The following BICC1 variants were observed in gnomAD, a reference collection of about 807,000 sequenced individuals.
The protein encoded by BICC1 is protein bicaudal C homolog 1.
In BICC1, 43 loss-of-function variants were observed where a neutral mutation model predicts 111.0. The ratio of observed to expected loss-of-function variants is 0.39; its 90% CI spans 0.30 to 0.50. The LOEUF is 0.50. Ranked by LOEUF, BICC1 falls within the 20% of genes least tolerant of loss-of-function variation. The probability of loss-of-function intolerance (pLI) is 0.88; values close to 1 mark genes in which losing one functional copy is unlikely to be tolerated. For synonymous variants in BICC1, 467 were observed against 434.4 expected (o/e 1.07, Z -0.93); for missense variants, 1,091 against 1,203.2 (o/e 0.91, Z 1.38).
chr10:58,736,558 G>A (rs948917257), intron 3 of BICC1, among the ~76,000 whole-genome samples: 6 of 152,118 alleles, frequency 3.9e-5, no homozygotes, highest in Admixed American at 1.3e-4. Flanking sequence ...ACTTGTGACC[G>A]ACTCATTTCA....
At chr10:58,602,891 A>G (rs1031417765) in intron 1 of BICC1, among the ~76,000 whole-genome samples, 1 of 152,038 alleles carries the variant, frequency 6.6e-6, no homozygotes, top group Non-Finnish European at 1.5e-5. Flanking sequence ...GTCCACACTT[A>G]CTCCGTAAAC....
intron 20 of BICC1, among the ~76,000 whole-genome samples, chr10:58,824,908 G>A (rs929270687): frequency 6.6e-6 from 1 of 152,040 alleles, no homozygotes; most frequent in African/African-American, 2.4e-5. Context: ...TTTTGAGGTG[G>A]GGGCGGAGGT....
At chr10:58,617,609 G>C (rs149477329) in intron 1 of BICC1, among the ~76,000 whole-genome samples, 1 of 152,244 alleles carries the variant, frequency 6.6e-6, no homozygotes, top group South Asian at 2.1e-4. Context: ...GATACCAAGT[G>C]TGGACAAAGT....
rs1838252746 is a variant in BICC1, at chr10:58,645,813, A to G, written c.237+24912A>G. On this transcript the variant is annotated intron_variant, in intron 2 of 20. Coordinates refer to ENST00000373886, the MANE Select transcript of BICC1 (RefSeq NM_001080512.3). The stretch of plus-strand genomic sequence containing the variant: ...CCTTGAAGTTGAATAGAAACTATAT[A>G]AAGAAAACAACTCCATCTTGCCAGA... 3.3e-5 allele frequency among the ~76,000 whole-genome samples: 5 copies of G among 152,350 alleles called. No homozygotes were observed. The South Asian group carries it at 1.0e-3, about 32-fold the overall frequency.
At chr10:58,759,981 AAAAG>A (rs1224502398) in intron 3 of BICC1, among the ~76,000 whole-genome samples, 4 of 152,100 alleles carry the variant, frequency 2.6e-5, no homozygotes, top group East Asian at 1.9e-4. Flanking sequence ...AAAAAAAAAA[AAAAG>A]AAGACAGCAA....
chr10:58,683,066 G>T (rs1839589899), intron 2 of BICC1, among the ~76,000 whole-genome samples: 1 of 152,136 alleles, frequency 6.6e-6, no homozygotes, highest in African/African-American at 2.4e-5. Flanking sequence ...TGTGTAAGGT[G>T]TAAGGAAGGG....
rs1353773800 is a variant in BICC1, at chr10:58,512,923, C to T, written c.-221C>T. 5.4e-5 allele frequency among the ~76,000 whole-genome samples: 8 copies of T among 146,966 alleles called. No individual in the cohort carries two copies. The highest frequency in any genetic ancestry group is 2.7e-4 in the Admixed American group (4 of 14,794). On this transcript the variant is annotated 5_prime_UTR_variant, in exon 1 of 21. Coordinates refer to ENST00000373886, the MANE Select transcript of BICC1 (RefSeq NM_001080512.3). ...GGCGGCGCAGCCACTGGACCCGGAC[C>T]GGGGCCGCGACCCGGGGTGGCGGGT...
intron 9 of BICC1, among the ~76,000 whole-genome samples, chr10:58,795,145 TAACA>T (rs1843312701): frequency 1.3e-5 from 2 of 152,182 alleles, no homozygotes; most frequent in African/African-American, 4.8e-5. Flanking sequence ...AATAAGAAAA[TAACA>T]CCATTTTTAA....
intron 1 of BICC1, among the ~76,000 whole-genome samples, chr10:58,534,770 A>G (rs1842783782): frequency 6.6e-6 from 1 of 151,678 alleles, no homozygotes; most frequent in East Asian, 1.9e-4. Context: ...ACCAGATAAA[A>G]ATTCAAAAGG....
At chr10:58,809,457 C>A (rs1222991554) in intron 17 of BICC1, among the ~76,000 whole-genome samples, 1 of 152,006 alleles carries the variant, frequency 6.6e-6, no homozygotes, top group African/African-American at 2.4e-5. Context: ...CAAGGCTGGT[C>A]TCAAACTGCT....
At chr10:58,597,105 AT>A (rs1395814519) in intron 1 of BICC1, among the ~76,000 whole-genome samples, 1 of 152,156 alleles carries the variant, frequency 6.6e-6, no homozygotes, top group East Asian at 1.9e-4. Flanking sequence ...AGTTCTTTCT[AT>A]TTTCTATAAG....
intron 1 of BICC1, among the ~76,000 whole-genome samples, chr10:58,566,322 A>G (rs1467423639): frequency 6.6e-6 from 1 of 151,990 alleles, no homozygotes; most frequent in African/African-American, 2.4e-5. Flanking sequence ...GTGTATATAT[A>G]TATTCAATTA....
intron 3 of BICC1, among the ~76,000 whole-genome samples, chr10:58,781,825 A>G (rs931568151): frequency 2.0e-5 from 3 of 152,236 alleles, no homozygotes; most frequent in Admixed American, 6.5e-5. Context: ...CACATCTTGT[A>G]TGCATCTTTT....
intron 2 of BICC1, among the ~76,000 whole-genome samples, chr10:58,674,989 GA>G (rs1401785837): frequency 6.6e-6 from 1 of 152,158 alleles, no homozygotes; most frequent in Non-Finnish European, 1.5e-5. Context: ...ACTTGTATGA[GA>G]AAAGGCTGGA....
At chr10:58,644,177 T>C (rs1838200595) in intron 2 of BICC1, among the ~76,000 whole-genome samples, 1 of 152,180 alleles carries the variant, frequency 6.6e-6, no homozygotes, top group African/African-American at 2.4e-5. Context: ...TTACAACACA[T>C]AGCTACTCTT....
chr10:58,785,402 C>T (rs1333253641), intron 4 of BICC1, among the ~76,000 whole-genome samples: 1 of 151,608 alleles, frequency 6.6e-6, no homozygotes, highest in East Asian at 1.9e-4. Context: ...AGAAATTGGC[C>T]CTGATTAATA....
chr10:58,602,507 C>T (rs538934999), intron 1 of BICC1, among the ~76,000 whole-genome samples: 13 of 152,178 alleles, frequency 8.5e-5, no homozygotes, highest in South Asian at 8.3e-4. Context: ...GGACTTTAAA[C>T]GGAATAAATT....
At chr10:58,642,619 A>G (rs1316779194) in intron 2 of BICC1, among the ~76,000 whole-genome samples, 1 of 152,188 alleles carries the variant, frequency 6.6e-6, no homozygotes, top group Admixed American at 6.5e-5. Flanking sequence ...CCATCATTCT[A>G]TTGCACCAGT....
intron 9 of BICC1, 123 bp downstream of exon 9, chr10:58,793,738 C>T: frequency 1.9e-6 from 2 of 1,066,334 alleles, no homozygotes; most frequent in South Asian, 1.6e-5. Context: ...TTGAATATCC[C>T]CAATCCGGAA....
Sources: gnomAD v4.1 joint callset for allele counts (sites outside exome capture counted in the v4.1 genomes callset) on GRCh38, gnomAD v4.1.1 for gene constraint, MANE v1.5 for transcripts, NCBI Gene and HGNC (gene_info 2026-07-23, HGNC 2026-07-21) for gene names.